The following MLLT3 variants were observed in gnomAD, a reference collection of about 807,000 sequenced individuals.
MLLT3 encodes the protein protein AF-9.
A neutral mutation model predicts 53.2 loss-of-function variants in MLLT3; 4 were observed. That is an observed-to-expected ratio of 0.08 (90% CI 0.04 to 0.17). The LOEUF (loss-of-function observed/expected upper bound fraction) is 0.17, where lower values mean the gene tolerates loss of function less well. Ranked by LOEUF, MLLT3 falls within the 10% of genes least tolerant of loss-of-function variation. The probability of loss-of-function intolerance (pLI) is 1.00; values close to 1 mark genes in which losing one functional copy is unlikely to be tolerated. For synonymous variants in MLLT3, 283 were observed against 230.6 expected, an observed-to-expected ratio of 1.23 and a Z score of -2.06; for missense variants, 569 against 684.0, an observed-to-expected ratio of 0.83 and a Z score of 1.87.
At chr9:20,590,795 G>T (rs1820108466) in intron 2 of MLLT3, among the ~76,000 whole-genome samples, 1 of 152,102 alleles carries the variant, frequency 6.6e-6, no homozygotes, top group South Asian at 2.1e-4. Flanking sequence ...GAGTGCAGTG[G>T]CCTGATCATC....
chr9:20,464,517 C>G (rs1164575079), intron 2 of MLLT3, among the ~76,000 whole-genome samples: 2 of 152,004 alleles, frequency 1.3e-5, no homozygotes, highest in Non-Finnish European at 2.9e-5. Context: ...TACTGAGTGA[C>G]AAGTGCTACA....
chr9:20,544,656 G>A (rs550580381), intron 2 of MLLT3, among the ~76,000 whole-genome samples: 217 of 152,314 alleles, frequency 1.4e-3, no homozygotes, highest in Non-Finnish European at 2.7e-3. Flanking sequence ...TGGTAGAGCT[G>A]CTATGGAAAA....
chr9:20,342,209 G>C lies in MLLT3; in HGVS notation c.*4234C>G, dbSNP rs1476535196. 2 of 219,960 alleles carry C rather than the reference G, an allele frequency of 9.1e-6. No individual in the cohort carries two copies. The highest frequency in any genetic ancestry group is 1.3e-4 in the East Asian group (2 of 14,988). 13.6% of individuals were successfully genotyped at this position (219,960 alleles called of 1,614,324 possible). A position where few individuals can be genotyped will look rare whatever the true frequency, so the allele number is the denominator to read the frequency against. On this transcript the variant is annotated 3_prime_UTR_variant, in exon 11 of 11. Transcript: ENST00000380338. Reference sequence around the variant, plus strand: ...AATTATACATTTTAAAAAAGGTGCTGAAACAGATTATATGAGTTTAAGTAA... The same window carrying C: ...AATTATACATTTTAAAAAAGGTGCTCAAACAGATTATATGAGTTTAAGTAA...
rs562344114 is a variant in MLLT3 at position 20,341,785 on chromosome 9, ACT to A, written c.*4656_*4657del. The A allele has an allele frequency of 2.2e-4, 43 of 198,556 alleles. No homozygotes were observed. In the South Asian group the frequency reaches 7.7e-3, roughly 36 times the overall value. 12.3% of individuals were successfully genotyped at this position (198,556 alleles called of 1,614,324 possible). ...TAAATGCAGGGACTTTGTAAGATCG[ACT>A]CTCTCTGGCTATAGCACATTGTTTC... On this transcript the variant is annotated 3_prime_UTR_variant, in exon 11 of 11. Transcript: ENST00000380338.
chr9:20,501,517 C>T (rs927029160), intron 2 of MLLT3, among the ~76,000 whole-genome samples: 15 of 151,302 alleles, frequency 9.9e-5, no homozygotes, highest in East Asian at 7.8e-4. Context: ...TTTGGGAGGT[C>T]GAGGCGGGTG....
At chr9:20,497,215 A>G (rs1252051497) in intron 2 of MLLT3, among the ~76,000 whole-genome samples, 1 of 152,220 alleles carries the variant, frequency 6.6e-6, no homozygotes, top group African/African-American at 2.4e-5. Context: ...CCTGGGGTCT[A>G]AACCCCTCTG....
At chr9:20,436,571 T>C (rs937806919) in intron 4 of MLLT3, among the ~76,000 whole-genome samples, 2 of 152,200 alleles carry the variant, frequency 1.3e-5, no homozygotes, top group Admixed American at 1.3e-4. Context: ...GGGATTTTTA[T>C]TTTTTAATTC....
chr9:20,510,361 C>T (rs1433569088), intron 2 of MLLT3, among the ~76,000 whole-genome samples: 1 of 152,034 alleles, frequency 6.6e-6, no homozygotes, highest in African/African-American at 2.4e-5. Context: ...ACCTGTAATC[C>T]CAGCACTTTG....
chr9:20,562,840 T>C (rs1175080625), intron 2 of MLLT3, among the ~76,000 whole-genome samples: 1 of 152,160 alleles, frequency 6.6e-6, no homozygotes, highest in African/African-American at 2.4e-5. Flanking sequence ...TAACAGGTGA[T>C]ACAGTAGTTA....
In MLLT3 at chr9:20,346,017, A is replaced by AT. The variant is rs1204333230; in HGVS notation, c.*425dup. 3.0e-5 allele frequency: 7 copies of AT among 235,862 alleles called. No individual in the cohort carries two copies. Among genetic ancestry groups the AT allele is most frequent in the Non-Finnish European group, 5.9e-5 (7 of 119,380 alleles). The allele number at this position is 235,862 out of a possible 1,614,324, so 14.6% of individuals were successfully genotyped here. On this transcript the variant is annotated 3_prime_UTR_variant, in exon 11 of 11. Transcript: ENST00000380338. ...GGTGTCATTCCCTCAACGACTTAGA[A>AT]TATCTGTATGCGATAATAAATAGAT...
chr9:20,480,495 A>G (rs991806784), intron 2 of MLLT3, among the ~76,000 whole-genome samples: 5 of 152,212 alleles, frequency 3.3e-5, no homozygotes, highest in Admixed American at 6.5e-5. Context: ...TCAACAATGA[A>G]GAACTGACAG....
Position 20,414,171 on chromosome 9 carries a change from G to T in MLLT3, c.675C>A (p.His225Gln). ...KSAFKEPSRDHNKSSKESSKK... is the reference protein window; with the variant it reads ...KSAFKEPSRDQNKSSKESSKK... The stretch of plus-strand genomic sequence containing the variant: ...TAGAGGATTCTTTGGAAGATTTGTT[G>T]TGATCCCTGGAAGGTTCTTTGAAGG... The change falls in exon 5 of 11, where the codon CAC becomes CAA. Residue 225 changes from histidine (H) to glutamine (Q), a missense_variant. By Grantham distance (24) the His-to-Gln change is conservative. This residue lies in a region of MLLT3 where 437 missense variants were observed against 376.5 expected (regional missense o/e 1.16). Transcript: ENST00000380338. 6.2e-7 allele frequency: 1 copy of T among 1,614,118 alleles called. No homozygotes were observed. The highest frequency in any genetic ancestry group is 8.5e-7 in the Non-Finnish European group (1 of 1,179,990).
At chr9:20,369,739 A>G (rs1283369804) in intron 5 of MLLT3, among the ~76,000 whole-genome samples, 1 of 152,078 alleles carries the variant, frequency 6.6e-6, no homozygotes, top group African/African-American at 2.4e-5. Context: ...AAACTAAAGA[A>G]GGTCACTTGC....
At chr9:20,506,794 T>C (rs963013169) in intron 2 of MLLT3, among the ~76,000 whole-genome samples, 1 of 152,206 alleles carries the variant, frequency 6.6e-6, no homozygotes, top group East Asian at 1.9e-4. Context: ...TCTACATTCA[T>C]TTTAGTCAGC....
intron 2 of MLLT3, among the ~76,000 whole-genome samples, chr9:20,505,838 A>G (rs887916973): frequency 6.6e-6 from 1 of 152,168 alleles, no homozygotes. Context: ...GAATATATCC[A>G]AGCATTAACT....
intron 3 of MLLT3, among the ~76,000 whole-genome samples, chr9:20,451,456 A>G (rs1245458217): frequency 6.6e-6 from 1 of 152,206 alleles, no homozygotes; most frequent in Non-Finnish European, 1.5e-5. Flanking sequence ...AACAAAAAAC[A>G]TCACTTTTCA....
At chr9:20,484,817 G>T (rs1447801468) in intron 2 of MLLT3, among the ~76,000 whole-genome samples, 1 of 151,830 alleles carries the variant, frequency 6.6e-6, no homozygotes, top group Admixed American at 6.6e-5. Context: ...AATAAATCAT[G>T]AACACAAGCA....
chr9:20,620,761 G>C lies in MLLT3; in HGVS notation c.86C>G (p.Thr29Ser). ...GCGTACGAACACCATCCAGTCGTGG[G>C]TGAAGCCCTCCACGGTGGGTTTTTT... ...VRKKPTVEGF[T>S]HDWMVFVRGP... is the part of the protein sequence containing the mutation. The change falls in exon 2 of 11, where the codon ACC (threonine) becomes AGC (serine). Residue 29 changes from threonine to serine, a missense_variant. By Grantham distance (58) the Thr-to-Ser change is moderately conservative. Transcript: ENST00000380338. The surrounding 1 kb of genome is among the most constrained non-coding windows in gnomAD (Gnocchi z 6.1). 1 of 1,614,172 alleles carries C rather than the reference G, an allele frequency of 6.2e-7. No individual in the cohort carries two copies. The highest frequency in any genetic ancestry group is 8.5e-7 in the Non-Finnish European group (1 of 1,180,032).
At chr9:20,454,291 G>A (rs527915936) in intron 3 of MLLT3, among the ~76,000 whole-genome samples, 109 of 152,148 alleles carry the variant, frequency 7.2e-4, no homozygotes, top group African/African-American at 2.5e-3. Context: ...GCGTATGGTA[G>A]GGAGTGATAC....
Sources: gnomAD v4.1 joint callset for allele counts (sites outside exome capture counted in the v4.1 genomes callset) on GRCh38, gnomAD v4.1.1 for gene constraint, gnomAD v4.1.1 regional missense constraint, Gnocchi (gnomAD v3.1) non-coding constraint, MANE v1.5 for transcripts, NCBI Gene and HGNC (gene_info 2026-07-23, HGNC 2026-07-21) for gene names.